TLE1: variants seen among roughly 807,000 people sequenced by gnomAD.
TLE1 encodes TLE family member 1, transcriptional corepressor, also known as transducin-like enhancer protein 1.
In TLE1, 21 loss-of-function variants were observed where a neutral mutation model predicts 89.8. The observed-to-expected ratio is 0.23, with a 90% CI of 0.17 to 0.34. The LOEUF (loss-of-function observed/expected upper bound fraction) is 0.34. Ranked by LOEUF, TLE1 falls within the 10% of genes least tolerant of loss-of-function variation. The pLI is 1.00. For synonymous variants in TLE1, 447 were observed against 407.6 expected (o/e 1.10, Z -1.16); for missense variants, 795 against 1,031.2 (o/e 0.77, Z 3.14).
chr9:81,688,031 G>C (rs539300601), intron 1 of TLE1, among the ~76,000 whole-genome samples, 186 bp downstream of exon 1: 1 of 152,160 alleles, frequency 6.6e-6, no homozygotes, highest in East Asian at 2.0e-4. Flanking sequence ...CCCAAAGGGA[G>C]GGAGAAAATT....
intron 4 of TLE1, among the ~76,000 whole-genome samples, chr9:81,667,754 T>G (rs1177522025): frequency 6.6e-6 from 1 of 152,136 alleles, no homozygotes; most frequent in Non-Finnish European, 1.5e-5. Context: ...AGGTGGTCCT[T>G]TGGGAAGGAA....
intron 3 of TLE1, 38 bp from the exon 4 acceptor site, chr9:81,685,758 C>T (rs989801920): frequency 8.7e-6 from 14 of 1,611,982 alleles, no homozygotes; most frequent in Non-Finnish European, 1.1e-5. Context: ...TTCATTAACT[C>T]ATGTTTTTTA....
intron 14 of TLE1, among the ~76,000 whole-genome samples, chr9:81,597,149 A>G (rs1472428248): frequency 6.6e-6 from 1 of 152,140 alleles, no homozygotes; most frequent in Non-Finnish European, 1.5e-5. Context: ...AGGAATAATA[A>G]TAAAACACAG....
chr9:81,687,446 C>A lies in TLE1; in HGVS notation c.25-12G>T. ...GCCTGGTGCGGCGTCTGGGGGCGACCAGCGAGGGGGACCGAGGGACGGGAA... is the reference window on the plus strand; with the variant it reads ...GCCTGGTGCGGCGTCTGGGGGCGACAAGCGAGGGGGACCGAGGGACGGGAA... On this transcript the variant is annotated splice_polypyrimidine_tract_variant and intron_variant, in intron 1 of 19. Transcript: ENST00000376499. 2 of 1,602,700 alleles carry A rather than the reference C, an allele frequency of 1.2e-6. No homozygotes were observed. The highest frequency in any genetic ancestry group is 1.7e-6 in the Non-Finnish European group (2 of 1,174,200).
At chr9:81,605,800 G>A (rs192578970) in intron 14 of TLE1, among the ~76,000 whole-genome samples, 3 of 149,706 alleles carry the variant, frequency 2.0e-5, no homozygotes, top group Admixed American at 6.6e-5. Flanking sequence ...GTTTCTGCAC[G>A]GCAAAAAAAA....
At chr9:81,593,770 C>T (rs1414403769) in intron 14 of TLE1, among the ~76,000 whole-genome samples, 1 of 152,032 alleles carries the variant, frequency 6.6e-6, no homozygotes, top group Non-Finnish European at 1.5e-5. Context: ...TCTAAAAATA[C>T]CAGTTTATGG....
At chr9:81,590,745 A>G in intron 16 of TLE1, 60 bp downstream of exon 16, 1 of 1,578,096 alleles carries the variant, frequency 6.3e-7, no homozygotes, top group Non-Finnish European at 8.6e-7. Flanking sequence ...AGAGAAGCAG[A>G]GGTGATAGGC....
intron 9 of TLE1, among the ~76,000 whole-genome samples, chr9:81,618,064 A>G (rs1031922124): frequency 1.3e-5 from 2 of 152,150 alleles, no homozygotes; most frequent in Non-Finnish European, 2.9e-5. Context: ...TGATGCGATC[A>G]TCCCTACATC....
At chr9:81,688,195 C>A in intron 1 of TLE1, 22 bp downstream of exon 1, 1 of 1,600,102 alleles carries the variant, frequency 6.2e-7, no homozygotes, top group South Asian at 1.1e-5. Flanking sequence ...TGGCCCCCCA[C>A]CACCACCCAG....
chr9:81,635,462 A>C (rs1213933673), intron 6 of TLE1, among the ~76,000 whole-genome samples: 1 of 152,178 alleles, frequency 6.6e-6, no homozygotes, highest in Non-Finnish European at 1.5e-5. Flanking sequence ...ATTATATTTA[A>C]AAGCACATTG....
intron 14 of TLE1, among the ~76,000 whole-genome samples, chr9:81,593,636 T>C (rs1161451166): frequency 6.6e-6 from 1 of 152,194 alleles, no homozygotes; most frequent in East Asian, 1.9e-4. Context: ...TGTAATTGTA[T>C]GATTTCTTAG....
chr9:81,644,688 G>A (rs779468911), intron 6 of TLE1, among the ~76,000 whole-genome samples: 1 of 152,108 alleles, frequency 6.6e-6, no homozygotes, highest in Non-Finnish European at 1.5e-5. Flanking sequence ...CCACAGAAGT[G>A]TATGCTTTAA....
chr9:81,646,732 T>C (rs193279582), intron 6 of TLE1, among the ~76,000 whole-genome samples: 3 of 152,330 alleles, frequency 2.0e-5, no homozygotes, highest in African/African-American at 2.4e-5. Flanking sequence ...CTCTTAGGGA[T>C]AGACAGGCTC....
chr9:81,682,430 G>A (rs1210240681), intron 4 of TLE1, among the ~76,000 whole-genome samples: 1 of 152,110 alleles, frequency 6.6e-6, no homozygotes, highest in Non-Finnish European at 1.5e-5. Context: ...GGAGGTCACA[G>A]AAGACAAATC....
At chr9:81,672,394 T>A (rs1382568543) in intron 4 of TLE1, among the ~76,000 whole-genome samples, 4 of 151,736 alleles carry the variant, frequency 2.6e-5, no homozygotes, top group Non-Finnish European at 5.9e-5. Flanking sequence ...AGTGTGATGG[T>A]GCGATCTTGG....
intron 8 of TLE1, among the ~76,000 whole-genome samples, chr9:81,622,146 G>A (rs543063073): frequency 2.6e-4 from 39 of 152,330 alleles, no homozygotes; most frequent in Admixed American, 1.6e-3. Context: ...CTGAAAAGCT[G>A]GGCCGGGGCA....
At chr9:81,620,055 C>A (rs1825031697) in intron 9 of TLE1, among the ~76,000 whole-genome samples, 1 of 152,066 alleles carries the variant, frequency 6.6e-6, no homozygotes, top group Admixed American at 6.5e-5. Context: ...GAGTCCAGGA[C>A]AAAATGAAAA....
chr9:81,643,020 T>G (rs950482740), intron 6 of TLE1, among the ~76,000 whole-genome samples: 6 of 152,118 alleles, frequency 3.9e-5, no homozygotes, highest in Non-Finnish European at 8.8e-5. Context: ...ATGTGGAATC[T>G]AAGAGTACAA....
intron 4 of TLE1, among the ~76,000 whole-genome samples, chr9:81,658,817 C>T (rs550344234): frequency 1.1e-3 from 169 of 152,288 alleles, no homozygotes; most frequent in Admixed American, 1.7e-3. Flanking sequence ...TTATCTCTTG[C>T]TTCAACAAAA....
Sources: gnomAD v4.1 joint callset for allele counts (sites outside exome capture counted in the v4.1 genomes callset) on GRCh38, gnomAD v4.1.1 for gene constraint, MANE v1.5 for transcripts, NCBI Gene and HGNC (gene_info 2026-07-23, HGNC 2026-07-21) for gene names.